Variants in SIMC1 observed in about 807,000 individuals in gnomAD.
SIMC1 encodes SUMO-interacting motif-containing protein 1.
In SIMC1, 55 loss-of-function variants were observed where a neutral mutation model predicts 82.3. The ratio of observed to expected loss-of-function variants is 0.67; its 90% CI spans 0.54 to 0.84. SIMC1 has a LOEUF of 0.84. Among genes scored for constraint, SIMC1 ranks in the 40% least tolerant of loss-of-function variants. The pLI, the probability that SIMC1 is intolerant of heterozygous loss-of-function variation, is 0.00. For missense variants in SIMC1, 915 were observed against 1,107.2 expected (o/e 0.83, Z 2.46); for synonymous variants, 353 against 426.3 (o/e 0.83, Z 2.12).
chr5:176,335,532 C>A (rs943900552), intron 7 of SIMC1, among the ~76,000 whole-genome samples: 1 of 151,076 alleles, frequency 6.6e-6, no homozygotes, highest in Non-Finnish European at 1.5e-5. Flanking sequence ...CCCGCCTCGG[C>A]CTCCCAAAGT....
intron 1 of SIMC1, among the ~76,000 whole-genome samples, chr5:176,245,883 G>A (rs1374500627): frequency 6.6e-6 from 1 of 152,040 alleles, no homozygotes; most frequent in Non-Finnish European, 1.5e-5. Flanking sequence ...GCAGTTGCTG[G>A]GCAGATGTCC....
chr5:176,266,267 G>T (rs527532474), intron 1 of SIMC1, among the ~76,000 whole-genome samples: 2 of 152,282 alleles, frequency 1.3e-5, no homozygotes, highest in South Asian at 4.1e-4. Context: ...AACTTGAAAT[G>T]TCAGGGGACA....
intron 2 of SIMC1, among the ~76,000 whole-genome samples, chr5:176,293,689 A>T (rs1334358882): frequency 6.6e-6 from 1 of 151,824 alleles, no homozygotes; most frequent in Non-Finnish European, 1.5e-5. Flanking sequence ...CAGAGGTTGC[A>T]GTGAGCCATG....
At chr5:176,251,585 T>TC (rs1761654186) in intron 1 of SIMC1, among the ~76,000 whole-genome samples, 2 of 151,862 alleles carry the variant, frequency 1.3e-5, no homozygotes, top group Admixed American at 6.6e-5. Flanking sequence ...TATTTTCTTT[T>TC]CTTTTTTTTT....
At chr5:176,322,156 A>G in intron 5 of SIMC1, 117 bp from the exon 6 acceptor site, 3 of 1,206,542 alleles carry the variant, frequency 2.5e-6, no homozygotes, top group Non-Finnish European at 3.4e-6. Context: ...GCCCAGGTTA[A>G]GGCTATAGTT....
rs1383855465 is a variant in SIMC1, at chr5:176,322,386, C to A, written c.2003C>A (p.Pro668His). ...TGILKASSSH[P>H]SSQPNLTKNT... Reference sequence around the variant, plus strand: ...ATCTTGAAAGCCAGCAGTAGCCACCCTTCTTCCCAGCCCAACCTGACAAAG... The same window carrying A: ...ATCTTGAAAGCCAGCAGTAGCCACCATTCTTCCCAGCCCAACCTGACAAAG... The change falls in exon 6 of 10, where the codon CCT becomes CAT. Residue 668 changes from proline to histidine, a missense_variant. Around this residue, in one of 2 missense-constraint regions of SIMC1, gnomAD observed 902 missense variants for 1,040.3 expected, o/e 0.87. Coordinates refer to ENST00000429602, the MANE Select transcript of SIMC1 (RefSeq NM_001308195.2). The A allele has an allele frequency of 6.2e-7, 1 of 1,609,076 alleles. No homozygotes were observed.
chr5:176,298,218 G>T (rs1299673451), intron 4 of SIMC1, among the ~76,000 whole-genome samples: 1 of 152,218 alleles, frequency 6.6e-6, no homozygotes, highest in African/African-American at 2.4e-5. Context: ...CCCCAGCAAA[G>T]CATGGTTCAA....
At chr5:176,319,918 C>T (rs1172587134) in intron 5 of SIMC1, among the ~76,000 whole-genome samples, 2 of 151,936 alleles carry the variant, frequency 1.3e-5, no homozygotes, top group African/African-American at 2.4e-5. Context: ...TTTAAAGGTG[C>T]GAGACTCAAA....
At chr5:176,243,557 C>T (rs1367829054) in intron 1 of SIMC1, among the ~76,000 whole-genome samples, 4 of 151,296 alleles carry the variant, frequency 2.6e-5, no homozygotes, top group East Asian at 1.9e-4. Context: ...TGCTCTGTTG[C>T]GTTGCCCAGG....
intron 1 of SIMC1, among the ~76,000 whole-genome samples, chr5:176,262,161 A>G (rs1427801885): frequency 6.6e-6 from 1 of 151,766 alleles, no homozygotes; most frequent in Non-Finnish European, 1.5e-5. Context: ...GGTCAATTCT[A>G]CATTTGAAAA....
At chr5:176,284,137 A>T (rs1201401908) in intron 1 of SIMC1, among the ~76,000 whole-genome samples, 1 of 152,194 alleles carries the variant, frequency 6.6e-6, no homozygotes, top group African/African-American at 2.4e-5. Context: ...GTCAACAAAG[A>T]TATCCAGGAA....
In SIMC1 at chr5:176,290,033, T is replaced by A. The variant is rs758031128; in HGVS notation, c.509T>A (p.Leu170His). Reference sequence around the variant, plus strand: ...AGCTCAGCCACATTCACAGGTAACCTCAGCTTCTTGGCAAGTCTACAGCTG... The same window carrying A: ...AGCTCAGCCACATTCACAGGTAACCACAGCTTCTTGGCAAGTCTACAGCTG... ...NCSSATFTGN[L>H]SFLASLQLSS... Residue 170 changes from leucine (L) to histidine (H), a missense_variant, in exon 2 of 10, where the codon CTC becomes CAC. Transcript: ENST00000429602. The A allele has an allele frequency of 3.1e-6, 5 of 1,613,094 alleles. No individual in the cohort carries two copies. In the East Asian group the frequency reaches 1.1e-4, roughly 36 times the overall value.
chr5:176,250,177 C>A (rs6860688), intron 1 of SIMC1, among the ~76,000 whole-genome samples: 138 of 152,176 alleles, frequency 9.1e-4, no homozygotes, highest in African/African-American at 2.8e-3. Flanking sequence ...CGTTATTTAC[C>A]CAGGTTTCAA....
intron 1 of SIMC1, among the ~76,000 whole-genome samples, chr5:176,252,462 G>A (rs1463986120): frequency 6.6e-6 from 1 of 151,714 alleles, no homozygotes. Context: ...CTCCCAGATG[G>A]GGTCGCGGCT....
Position 176,296,232 on chromosome 5 carries a change from G to A in SIMC1, c.1665-19G>A. ...CGCTAAATTCTCCATAATTCTAATTGATTTCACTTGACTTTCAGGCTACAT... is the reference window on the plus strand; with the variant it reads ...CGCTAAATTCTCCATAATTCTAATTAATTTCACTTGACTTTCAGGCTACAT... On this transcript the variant is annotated intron_variant, in intron 3 of 9. Transcript: ENST00000429602. The A allele has an allele frequency of 1.9e-6, 3 of 1,605,426 alleles. No homozygotes were observed. The highest frequency in any genetic ancestry group is 2.2e-5 in the South Asian group (2 of 89,932).
chr5:176,332,747 T>A (rs1220115242), intron 7 of SIMC1, among the ~76,000 whole-genome samples: 1 of 152,172 alleles, frequency 6.6e-6, no homozygotes, highest in Non-Finnish European at 1.5e-5. Context: ...AATATTAAAA[T>A]TATTAAAGAG....
At chr5:176,248,657 T>TGAGA (rs2113112370) in intron 1 of SIMC1, among the ~76,000 whole-genome samples, 1 of 152,308 alleles carries the variant, frequency 6.6e-6, no homozygotes, top group Admixed American at 6.5e-5. Flanking sequence ...AATGGAGTGG[T>TGAGA]GAGAGAGGGC....
intron 5 of SIMC1, among the ~76,000 whole-genome samples, chr5:176,321,463 C>T (rs1765154942): frequency 6.6e-6 from 1 of 151,290 alleles, no homozygotes; most frequent in Non-Finnish European, 1.5e-5. Context: ...AAACTCACTG[C>T]TATTCATCTT....
In SIMC1 at chr5:176,345,406, T is replaced by TGATG; in HGVS notation, c.2638_2641dup (p.Ala881GlyfsTer26). 6.2e-7 allele frequency: 1 copy of TGATG among 1,613,938 alleles called. No homozygotes were observed. ...TCTTCTATGCTGCGGACTTGAACCC[T>TGATG]GATGCAGAGCCCTTTCAAAAGGGCT... On this transcript the variant is annotated frameshift_variant, in exon 10 of 10. Coordinates refer to ENST00000429602, the MANE Select transcript of SIMC1 (RefSeq NM_001308195.2). LOFTEE classifies it high-confidence loss of function.
Sources: allele counts gnomAD v4.1 joint callset (sites outside exome capture counted in the v4.1 genomes callset), GRCh38; gene constraint gnomAD v4.1.1; regional missense constraint gnomAD v4.1.1; transcripts MANE v1.5; gene names NCBI Gene and HGNC (gene_info 2026-07-23, HGNC 2026-07-21).